The following IL1RAPL2 variants were observed in gnomAD, a reference collection of about 807,000 sequenced individuals.
IL1RAPL2 encodes X-linked interleukin-1 receptor accessory protein-like 2.
IL1RAPL2 carries 3 observed loss-of-function variants against 44.1 expected under a neutral mutation model. The observed-to-expected ratio is 0.07, with a 90% CI of 0.03 to 0.18. IL1RAPL2 has a LOEUF of 0.18. Ranked by LOEUF, IL1RAPL2 falls within the 10% of genes least tolerant of loss-of-function variation. IL1RAPL2 has a pLI of 1.00. For missense variants in IL1RAPL2, 391 were observed against 496.4 expected, an observed-to-expected ratio of 0.79 and a Z score of 2.02; for synonymous variants, 181 against 178.8, an observed-to-expected ratio of 1.01 and a Z score of -0.10.
chrX:104,679,693 T>C (rs1345752912), intron 2 of IL1RAPL2, among the ~76,000 whole-genome samples: 2 of 111,910 alleles, frequency 1.8e-5, no homozygotes, highest in Non-Finnish European at 3.8e-5. Flanking sequence ...TTGCTGCTCT[T>C]GGTAAGAGCT....
chrX:104,810,365 GTAAC>G (rs936906928), intron 2 of IL1RAPL2, among the ~76,000 whole-genome samples: 23 of 110,554 alleles, frequency 2.1e-4, no homozygotes, highest in Admixed American at 1.9e-4. Context: ...GTATACATAT[GTAAC>G]TAACCTGCAC....
chrX:105,529,337 G>A (rs182446469), intron 6 of IL1RAPL2, among the ~76,000 whole-genome samples: 2 of 110,745 alleles, frequency 1.8e-5, no homozygotes, highest in African/African-American at 6.5e-5. Flanking sequence ...TAATCTGTTG[G>A]CAATGCTTTG....
chrX:105,198,549 T>G (rs781879699), intron 3 of IL1RAPL2, among the ~76,000 whole-genome samples: 1 of 112,557 alleles, frequency 8.9e-6, no homozygotes, highest in Admixed American at 9.4e-5. Context: ...CTATAGTACA[T>G]TTGTTACAAT....
chrX:105,243,602 TATA>T (rs200010119), intron 4 of IL1RAPL2, among the ~76,000 whole-genome samples: 2,038 of 94,764 alleles, frequency 0.022, 59 homozygotes, highest in African/African-American at 0.095. Context: ...TATATATATA[TATA>T]TTTTTTTTTT....
At chrX:104,932,270 A>G (rs772506713) in intron 2 of IL1RAPL2, among the ~76,000 whole-genome samples, 4 of 110,139 alleles carry the variant, frequency 3.6e-5, no homozygotes, top group Non-Finnish European at 7.6e-5. Context: ...AAGTGCTGGG[A>G]TTACAGGCGT....
intron 2 of IL1RAPL2, among the ~76,000 whole-genome samples, chrX:105,075,552 C>A (rs1174021194): frequency 1.8e-5 from 2 of 108,514 alleles, no homozygotes; most frequent in Non-Finnish European, 3.9e-5. Flanking sequence ...TGATGCTGGC[C>A]TCATAAAATG....
chrX:105,121,714 A>C (rs1345675180), intron 2 of IL1RAPL2, among the ~76,000 whole-genome samples: 1 of 111,438 alleles, frequency 9.0e-6, no homozygotes, highest in Non-Finnish European at 1.9e-5. Flanking sequence ...AGTGATTAAG[A>C]ATAGCAAAAT....
chrX:104,732,849 A>G (rs181993660), intron 2 of IL1RAPL2, among the ~76,000 whole-genome samples: 1 of 111,948 alleles, frequency 8.9e-6, no homozygotes, highest in Non-Finnish European at 1.9e-5. Context: ...ATTACCTCAC[A>G]TACATGGCAG....
intron 2 of IL1RAPL2, among the ~76,000 whole-genome samples, chrX:104,891,321 T>C (rs1278203769): frequency 1.8e-5 from 2 of 112,149 alleles, no homozygotes; most frequent in African/African-American, 6.5e-5. Flanking sequence ...AGTAGTTTTT[T>C]CCAATTTTGT....
chrX:104,735,782 A>G (rs184580299), intron 2 of IL1RAPL2, among the ~76,000 whole-genome samples: 2 of 111,549 alleles, frequency 1.8e-5, no homozygotes, highest in Non-Finnish European at 3.8e-5. Flanking sequence ...CATTGTGTCA[A>G]ACTATGATGC....
chrX:105,524,171 G>A (rs931996020), intron 6 of IL1RAPL2, among the ~76,000 whole-genome samples: 3 of 111,393 alleles, frequency 2.7e-5, no homozygotes, highest in East Asian at 2.8e-4. Flanking sequence ...AGGTGCTGGG[G>A]CATTTGGTTG....
chrX:105,542,414 G>A (rs1431825298), intron 6 of IL1RAPL2, among the ~76,000 whole-genome samples: 1 of 111,701 alleles, frequency 9.0e-6, no homozygotes, highest in Non-Finnish European at 1.9e-5. Flanking sequence ...TTCAAAGAAC[G>A]TAGAATAAAC....
intron 5 of IL1RAPL2, among the ~76,000 whole-genome samples, chrX:105,344,069 A>G (rs1461004807): frequency 9.1e-6 from 1 of 109,583 alleles, no homozygotes; most frequent in African/African-American, 3.3e-5. Context: ...TAATTTTTCT[A>G]TTTTCAGTAG....
chrX:104,998,707 C>T (rs982777818), intron 2 of IL1RAPL2, among the ~76,000 whole-genome samples: 7 of 111,527 alleles, frequency 6.3e-5, no homozygotes, highest in Non-Finnish European at 1.3e-4. Context: ...GTAGAGGCTG[C>T]GGTGAGCTAT....
chrX:105,519,387 G>C (rs1341445643), intron 6 of IL1RAPL2, among the ~76,000 whole-genome samples: 1 of 111,501 alleles, frequency 9.0e-6, no homozygotes, highest in Non-Finnish European at 1.9e-5. Context: ...TGCTTCAGAG[G>C]GGGGATGGTA....
chrX:105,445,326 A>G (rs768835498), intron 5 of IL1RAPL2, among the ~76,000 whole-genome samples: 1 of 111,105 alleles, frequency 9.0e-6, no homozygotes, highest in Non-Finnish European at 1.9e-5. Context: ...ACAAAAAAAC[A>G]AATTTTTGTT....
rs181563672 is a variant in IL1RAPL2, at chrX:105,403,544, G to A, written c.698-80769G>A. Among the ~76,000 whole-genome samples, 6 of 111,448 alleles carry A rather than the reference G, an allele frequency of 5.4e-5. No individual in the cohort carries two copies. In the East Asian group the frequency reaches 1.1e-3, roughly 21 times the overall value. On this transcript the variant is annotated intron_variant, in intron 5 of 10. Transcript: ENST00000372582. ...GCTCATGATTTATAGAAAAGCTCAT[G>A]GAAACAGACAGAATCTGTATAAAGA...
intron 2 of IL1RAPL2, among the ~76,000 whole-genome samples, chrX:105,077,838 C>T (rs2032333954): frequency 8.9e-6 from 1 of 112,109 alleles, no homozygotes; most frequent in South Asian, 3.7e-4. Flanking sequence ...GCATCAGTTA[C>T]TGAGGCTTGT....
At chrX:105,699,221 A>C (rs1488455379) in intron 6 of IL1RAPL2, among the ~76,000 whole-genome samples, 5 of 111,494 alleles carry the variant, frequency 4.5e-5, no homozygotes, top group African/African-American at 1.6e-4. Context: ...TGACTTGTAT[A>C]AACTTTAGAC....
Sources: gnomAD v4.1 joint callset for allele counts (sites outside exome capture counted in the v4.1 genomes callset) on GRCh38, gnomAD v4.1.1 for gene constraint, MANE v1.5 for transcripts, NCBI Gene and HGNC (gene_info 2026-07-23, HGNC 2026-07-21) for gene names.